The following ATP5ME variants were observed in gnomAD, a reference collection of about 807,000 sequenced individuals.
ATP5ME encodes the protein ATP synthase membrane subunit e.
In ATP5ME, 10 loss-of-function variants were observed where a neutral mutation model predicts 11.6. The ratio of observed to expected loss-of-function variants is 0.86; its 90% CI spans 0.53 to 1.46. The LOEUF is 1.46. Ranked by LOEUF, ATP5ME falls within the 40% of genes most tolerant of loss-of-function variation. ATP5ME has a pLI of 0.00. For missense variants in ATP5ME, 115 were observed against 85.4 expected (o/e 1.35, Z -1.37); for synonymous variants, 45 against 33.5 (o/e 1.34, Z -1.19).
chr4:672,574 A>G (rs1738567084), intron 3 of ATP5ME, 55 bp from the exon 4 acceptor site: 2 of 1,583,928 alleles, frequency 1.3e-6, no homozygotes, highest in Non-Finnish European at 1.7e-6. Context: ...CAACCTAAAA[A>G]GACCACTTCA....
Position 673,327 on chromosome 4 carries a change from G to A in ATP5ME, c.166C>T (p.Arg56Trp), listed in dbSNP as rs1215757853. 1.2e-6 allele frequency: 2 copies of A among 1,614,176 alleles called. No individual in the cohort carries two copies. The highest frequency in any genetic ancestry group is 8.5e-7 in the Non-Finnish European group (1 of 1,180,012). Residue 56 changes from arginine (R) to tryptophan (W), a missense_variant, in exon 3 of 4, where the codon CGG (arginine) becomes TGG (tryptophan). By Grantham distance (101) the Arg-to-Trp change is moderately radical. Coordinates refer to ENST00000304312, the MANE Select transcript of ATP5ME (RefSeq NM_007100.4). ...CCTTCTGCCAATTCTCTGGCAATCC[G>A]TTTCAGTTCATCCTGCTTCTTCTTC... ...EEKKKQDELK[R>W]IARELAEDDS...
intron 3 of ATP5ME, 148 bp from the exon 4 acceptor site, chr4:672,667 C>G: frequency 1.2e-6 from 1 of 824,458 alleles, no homozygotes; most frequent in Non-Finnish European, 1.9e-6. Flanking sequence ...TCTCAGCTCA[C>G]TGCAACCTCT....
chr4:673,911 CTG>C lies in ATP5ME; in HGVS notation c.90_91del (p.Tyr30Ter). ...CCCCGGCCCCGCCCGCGGTCACTCA[CTG>C]TAGCGCGTGGCTCCGTAGGCCACAC... is the stretch of plus-strand genomic sequence containing the variant. On this transcript the variant is annotated stop_gained and frameshift_variant and splice_region_variant, in exon 2 of 4. Transcript: ENST00000304312. LOFTEE classifies it high-confidence loss of function. The C allele has an allele frequency of 1.3e-6, 2 of 1,546,278 alleles. No homozygotes were observed. Among genetic ancestry groups the C allele is most frequent in the Non-Finnish European group, 1.7e-6 (2 of 1,146,856 alleles).
chr4:672,999 C>T (rs1183666707), intron 3 of ATP5ME, among the ~76,000 whole-genome samples: 3 of 152,248 alleles, frequency 2.0e-5, no homozygotes, highest in Admixed American at 2.0e-4. Context: ...CTGCCTGTCT[C>T]AGCCTCCCAA....
rs1738557816 is a variant in ATP5ME at position 672,480 on chromosome 4, A to G, written c.*20T>C. The G allele has an allele frequency of 6.2e-7, 1 of 1,614,018 alleles. No homozygotes were observed. On this transcript the variant is annotated 3_prime_UTR_variant, in exon 4 of 4. Coordinates refer to ENST00000304312, the MANE Select transcript of ATP5ME (RefSeq NM_007100.4). ...CTTTATTCATCCGCTGCTGGTCCAA[A>G]GAGTGGGTCGCAGGGTCACTCACTT...
intron 2 of ATP5ME, chr4:673,617 C>A (rs1302575866): frequency 2.2e-5 from 18 of 828,356 alleles, no homozygotes; most frequent in Non-Finnish European, 3.2e-5. Flanking sequence ...CGCACTGGCT[C>A]ACTCGTCCTC....
Position 674,254 on chromosome 4 carries a change from C to T in ATP5ME, c.-7G>A. 1 of 1,611,104 alleles carries T rather than the reference C, an allele frequency of 6.2e-7. No homozygotes were observed. The highest frequency in any genetic ancestry group is 8.5e-7 in the Non-Finnish European group (1 of 1,179,234). On this transcript the variant is annotated 5_prime_UTR_variant, in exon 1 of 4. Transcript: ENST00000304312. ...CCTGCACCGGTGGCACCATCTTGTC[C>T]CTGACCTCCGCACCGGAAGCACAAC...
At position 673,325 on chromosome 4, in the gene ATP5ME, C is replaced by A. The variant is rs370751906; in HGVS notation, c.168G>T (p.Arg56=). ...TACCTTCTGCCAATTCTCTGGCAAT[C>A]CGTTTCAGTTCATCCTGCTTCTTCT... The part of the protein sequence containing the change: ...EEKKKQDELK[R]IARELAEDDS... Residue 56 remains arginine (R), a synonymous_variant, in exon 3 of 4, where the codon CGG becomes CGT. Coordinates refer to ENST00000304312, the MANE Select transcript of ATP5ME (RefSeq NM_007100.4). The A allele has an allele frequency of 1.2e-6, 2 of 1,614,232 alleles. No individual in the cohort carries two copies. The highest frequency in any genetic ancestry group is 8.5e-7 in the Non-Finnish European group (1 of 1,180,018).
rs886602588 is a variant in ATP5ME, at chr4:673,521, CTT to C, written c.92-122_92-121del. 4 of 1,528,434 alleles carry C rather than the reference CTT, an allele frequency of 2.6e-6. No individual in the cohort carries two copies. The African/African-American group carries it at 4.1e-5, about 16-fold the overall frequency. The allele number at this position is 1,528,434 out of a possible 1,614,324, so 94.7% of individuals were successfully genotyped here. On this transcript the variant is annotated intron_variant, in intron 2 of 3. Coordinates refer to ENST00000304312, the MANE Select transcript of ATP5ME (RefSeq NM_007100.4). Reference sequence around the variant, plus strand: ...ACCAGACGCACCTGCTGTTCCCGCTCTTTATGTTAATGCGAGTCAACGCCTGA... The same window carrying C: ...ACCAGACGCACCTGCTGTTCCCGCTCTATGTTAATGCGAGTCAACGCCTGA...
At chr4:672,607 T>A in intron 3 of ATP5ME, 88 bp from the exon 4 acceptor site, 2 of 1,495,244 alleles carry the variant, frequency 1.3e-6, no homozygotes, top group South Asian at 1.2e-5. Flanking sequence ...TTTTTTTTTT[T>A]TTTTTTTTTG....
At chr4:674,051 C>T (rs1274668232) in intron 1 of ATP5ME, 85 bp from the exon 2 acceptor site, 2 of 1,465,262 alleles carry the variant, frequency 1.4e-6, no homozygotes, top group Non-Finnish European at 1.8e-6. Context: ...GGTCGCTGGG[C>T]AGAGGTCGCA....
chr4:673,585 G>A (rs966498938), intron 2 of ATP5ME, 184 bp from the exon 3 acceptor site: 5 of 1,023,400 alleles, frequency 4.9e-6, no homozygotes, highest in Non-Finnish European at 7.0e-6. Context: ...AGGCTACAGG[G>A]CCCCTGCTGC....
intron 2 of ATP5ME, 144 bp downstream of exon 2, chr4:673,768 G>C (rs1175812601): frequency 7.5e-6 from 9 of 1,197,044 alleles, no homozygotes; most frequent in Non-Finnish European, 9.5e-6. Flanking sequence ...TTCCACTATC[G>C]GGGTCACGCT....
chr4:673,496 A>G, intron 2 of ATP5ME, 95 bp from the exon 3 acceptor site: 1 of 1,586,696 alleles, frequency 6.3e-7, no homozygotes, highest in Non-Finnish European at 8.6e-7. Flanking sequence ...GACGCTGTAA[A>G]CCAGACGCAC....
chr4:672,807 G>T (rs1159733828), intron 3 of ATP5ME, among the ~76,000 whole-genome samples: 2 of 152,148 alleles, frequency 1.3e-5, no homozygotes, highest in Admixed American at 1.3e-4. Flanking sequence ...GAGTGCAGTG[G>T]CGTGATCTCA....
At chr4:674,125 GGGGGTCGCAGCCCGC>G (rs1311971642) in intron 1 of ATP5ME, 72 bp downstream of exon 1, 26 of 1,476,844 alleles carry the variant, frequency 1.8e-5, no homozygotes, top group Non-Finnish European at 2.4e-5. Context: ...GGCGGGGGCC[GGGGGTCGCAGCCCGC>G]GGGGTCGGAG....
At chr4:673,474 G>A in intron 2 of ATP5ME, 73 bp from the exon 3 acceptor site, 3 of 1,608,200 alleles carry the variant, frequency 1.9e-6, no homozygotes, top group Admixed American at 3.4e-5. Flanking sequence ...CACAGGTCAA[G>A]GTATCTTCAG....
Position 672,494 on chromosome 4 carries a change from G to T in ATP5ME, c.*6C>A, listed in dbSNP as rs1339207346. 6.2e-7 allele frequency: 1 copy of T among 1,613,990 alleles called. No individual in the cohort carries two copies. Among genetic ancestry groups the T allele is most frequent in the South Asian group, 1.1e-5 (1 of 91,082 alleles). ...TGCTGGTCCAAAGAGTGGGTCGCAG[G>T]GTCACTCACTTTAATATGCTGTCAT... On this transcript the variant is annotated 3_prime_UTR_variant, in exon 4 of 4. Coordinates refer to ENST00000304312, the MANE Select transcript of ATP5ME (RefSeq NM_007100.4).
At chr4:673,458 T>G (rs1738629681) in intron 2 of ATP5ME, 57 bp from the exon 3 acceptor site, 1 of 1,612,322 alleles carries the variant, frequency 6.2e-7, no homozygotes, top group African/African-American at 1.3e-5. Context: ...CAAAAGGAAC[T>G]GAGTCCACAG....
Sources: allele counts gnomAD v4.1 joint callset (sites outside exome capture counted in the v4.1 genomes callset), GRCh38; gene constraint gnomAD v4.1.1; transcripts MANE v1.5; gene names NCBI Gene and HGNC (gene_info 2026-07-23, HGNC 2026-07-21).